GLT8D2: variants seen among roughly 807,000 people sequenced by gnomAD.
GLT8D2 encodes the protein glycosyltransferase 8 domain-containing protein 2.
A neutral mutation model predicts 44.5 loss-of-function variants in GLT8D2; 45 were observed. The observed-to-expected ratio is 1.01, with a 90% CI of 0.80 to 1.30. The LOEUF (loss-of-function observed/expected upper bound fraction) is 1.30. GLT8D2 is among the 50% of genes most tolerant of loss of function. The probability of loss-of-function intolerance (pLI) is 0.00; values close to 1 mark genes in which losing one functional copy is unlikely to be tolerated. For missense variants in GLT8D2, 400 were observed against 430.4 expected (o/e 0.93, Z 0.62); for synonymous variants, 156 against 157.2 (o/e 0.99, Z 0.06).
intron 1 of GLT8D2, chr12:104,030,796 G>C: frequency 6.2e-7 from 1 of 1,610,582 alleles, no homozygotes; most frequent in Non-Finnish European, 8.5e-7. Flanking sequence ...CCTACAAACT[G>C]GTGCTGATCC....
At chr12:104,037,173 G>A (rs1219466077) in intron 1 of GLT8D2, among the ~76,000 whole-genome samples, 1 of 152,190 alleles carries the variant, frequency 6.6e-6, no homozygotes, top group Non-Finnish European at 1.5e-5. Flanking sequence ...AGTGTGTAGA[G>A]GGAAATTTAT....
chr12:104,020,748 A>G (rs1249284576), intron 2 of GLT8D2, among the ~76,000 whole-genome samples: 1 of 152,180 alleles, frequency 6.6e-6, no homozygotes, highest in African/African-American at 2.4e-5. Flanking sequence ...AGGGCAGAAC[A>G]TGCAGAGGAG....
At chr12:104,021,930 GAAGAAGAAGAAGAAGAAGAAGAA>G (rs1877790993) in intron 1 of GLT8D2, among the ~76,000 whole-genome samples, 10 of 24,684 alleles carry the variant, frequency 4.1e-4, no homozygotes, top group African/African-American at 1.0e-3. Flanking sequence ...AGAAGAAGAA[GAAGAAGAAGAAGAAGAAGAAGAA>G]GAGGAAGAAG....
chr12:103,991,750 T>C (rs773762884), intron 10 of GLT8D2, among the ~76,000 whole-genome samples: 73 of 148,868 alleles, frequency 4.9e-4, no homozygotes, highest in Non-Finnish European at 9.9e-4. Context: ...CAGAGGATTC[T>C]GGGAATGATG....
chr12:104,002,266 C>T (rs1025548051), intron 5 of GLT8D2, among the ~76,000 whole-genome samples: 7 of 152,280 alleles, frequency 4.6e-5, no homozygotes, highest in African/African-American at 1.7e-4. Flanking sequence ...GCCTACAACA[C>T]CTTTTCATGT....
Position 104,003,164 on chromosome 12 carries a change from C to T in GLT8D2, c.255G>A (p.Val85=). ...TTCGAGTCAGAGTATTCCGGAGTCC[C>T]ACTACATAGAACAAGATGTTGGCGT... ...NTDANILFYV[V]GLRNTLTRIR... The change falls in exon 5 of 11, where the codon GTG becomes GTA. Residue 85 remains valine, a synonymous_variant. Transcript: ENST00000360814. 3 of 1,614,076 alleles carry T rather than the reference C, an allele frequency of 1.9e-6. No individual in the cohort carries two copies. The highest frequency in any genetic ancestry group is 2.5e-6 in the Non-Finnish European group (3 of 1,179,982).
At chr12:104,020,909 C>T (rs73390454) in intron 2 of GLT8D2, among the ~76,000 whole-genome samples, 4,049 of 152,186 alleles carry the variant, frequency 0.027, 83 homozygotes, top group Middle Eastern at 0.1. Flanking sequence ...ACCAAGGGGC[C>T]GGATACTACT....
chr12:104,007,250 C>T (rs929383744), intron 4 of GLT8D2, among the ~76,000 whole-genome samples: 1 of 147,636 alleles, frequency 6.8e-6, no homozygotes, highest in African/African-American at 2.5e-5. Flanking sequence ...CTCTCTCTCT[C>T]TCTCTCTCTC....
At chr12:104,026,628 TAACCATTAGATA>T (rs1197416756) in intron 1 of GLT8D2, among the ~76,000 whole-genome samples, 1 of 152,196 alleles carries the variant, frequency 6.6e-6, no homozygotes, top group Non-Finnish European at 1.5e-5. Context: ...AAATAAAATT[TAACCATTAGATA>T]AGGATTTTAG....
chr12:103,997,619 C>T lies in GLT8D2; in HGVS notation c.403-84G>A, dbSNP rs138441120. 2.5e-4 allele frequency: 227 copies of T among 926,018 alleles called. 1 individual carries two copies. The highest frequency in any genetic ancestry group is 4.3e-4 in the Middle Eastern group (2 of 4,662). 57.4% of individuals were successfully genotyped at this position (926,018 alleles called of 1,614,324 possible). ...GGGGGTACTGGAGAGTCGGCTTTGACCATGGCCTCAGCTCAGCTCCAGGTT... is the reference window on the plus strand; with the variant it reads ...GGGGGTACTGGAGAGTCGGCTTTGATCATGGCCTCAGCTCAGCTCCAGGTT... On this transcript the variant is annotated intron_variant, in intron 6 of 10. Transcript: ENST00000360814.
intron 2 of GLT8D2, among the ~76,000 whole-genome samples, chr12:104,020,586 A>G (rs1444006198): frequency 6.6e-6 from 1 of 152,240 alleles, no homozygotes; most frequent in Non-Finnish European, 1.5e-5. Flanking sequence ...TGTGACACAT[A>G]AAAGTATTAG....
chr12:103,997,746 C>G (rs369445758), intron 6 of GLT8D2, among the ~76,000 whole-genome samples: 19 of 152,238 alleles, frequency 1.2e-4, no homozygotes, highest in African/African-American at 4.6e-4. Flanking sequence ...ACGGATCGGC[C>G]GTTCTCCTAG....
chr12:103,998,977 G>GTA (rs1228334456), intron 6 of GLT8D2, among the ~76,000 whole-genome samples: 7 of 152,306 alleles, frequency 4.6e-5, no homozygotes, highest in African/African-American at 1.7e-4. Context: ...ATACTATGAA[G>GTA]TATATAATCC....
Position 104,003,136 on chromosome 12 carries a change from G to A in GLT8D2, c.283C>T (p.Arg95Ter), listed in dbSNP as rs766554936. The A allele has an allele frequency of 4.3e-6, 7 of 1,613,204 alleles. No homozygotes were observed. Among genetic ancestry groups the A allele is most frequent in the African/African-American group, 2.7e-5 (2 of 75,006 alleles). ...CAAAGTCTGTAAGACATAACTTACC[G>A]TATTCGAGTCAGAGTATTCCGGAGT... is the stretch of plus-strand genomic sequence containing the variant. ...VGLRNTLTRI[R>*]KWIEHSKLRE... The change falls in exon 5 of 11, where the codon CGA (arginine) becomes TGA (stop). Residue 95 changes from arginine (R) to a stop codon, truncating the protein, a stop_gained and splice_region_variant. Coordinates refer to ENST00000360814, the MANE Select transcript of GLT8D2 (RefSeq NM_001384711.1). LOFTEE classifies it high-confidence loss of function.
At chr12:104,009,647 A>G (rs1188499991) in intron 4 of GLT8D2, among the ~76,000 whole-genome samples, 1 of 152,104 alleles carries the variant, frequency 6.6e-6, no homozygotes, top group African/African-American at 2.4e-5. Context: ...GGGCAGAATG[A>G]TATGGTTTGG....
At position 104,010,411 on chromosome 12, in the gene GLT8D2, C is replaced by T. The variant is rs1047009699; in HGVS notation, c.112+4602G>A. 1.4e-4 allele frequency among the ~76,000 whole-genome samples: 22 copies of T among 152,352 alleles called. No individual in the cohort carries two copies. In the South Asian group the frequency reaches 1.4e-3, roughly 10 times the overall value. On this transcript the variant is annotated intron_variant, in intron 4 of 10. Coordinates refer to ENST00000360814, the MANE Select transcript of GLT8D2 (RefSeq NM_001384711.1). ...TTACATATTCATTCCAAATGCAGTA[C>T]TGACATCAGATCCTCTGGGAAGCCT...
At position 104,016,693 on chromosome 12, in the gene GLT8D2, AAGAAAGAAAGGGAGAG is replaced by A. The variant is rs1326803095; in HGVS notation, c.20-1604_20-1589del. On this transcript the variant is annotated intron_variant, in intron 3 of 10. Transcript: ENST00000360814. The stretch of plus-strand genomic sequence containing the variant: ...GAGAGAGAGAGAAAGAAAAGAAAGA[AAGAAAGAAAGGGAGAG>A]AGAAAGAAAGAAAGAAAGAAAGAAA... Among the ~76,000 whole-genome samples the A allele has an allele frequency of 2.2e-3, 307 of 137,326 alleles. 6 individuals carry two copies. Among genetic ancestry groups the A allele is most frequent in the Middle Eastern group, 7.5e-3 (2 of 268 alleles). The allele number at this position is 137,326 out of a possible 152,430, so 90.1% of individuals were successfully genotyped here.
At position 104,043,414 on chromosome 12, in the gene GLT8D2, G is replaced by A. The variant is rs187441614; in HGVS notation, c.-164+6481C>T. Among the ~76,000 whole-genome samples the A allele has an allele frequency of 1.2e-3, 187 of 152,174 alleles. 1 individual carries two copies. The highest frequency in any genetic ancestry group is 2.5e-3 in the African/African-American group (104 of 41,526). ...AAACTGAGCTTCTGGTATTTCCCCCGAAACATGCCCTTCCCATAATCTTCC... is the reference window on the plus strand; with the variant it reads ...AAACTGAGCTTCTGGTATTTCCCCCAAAACATGCCCTTCCCATAATCTTCC... On this transcript the variant is annotated intron_variant, in intron 1 of 10. Coordinates refer to ENST00000360814, the MANE Select transcript of GLT8D2 (RefSeq NM_001384711.1).
intron 6 of GLT8D2, 56 bp downstream of exon 6, chr12:103,999,341 A>T: frequency 1.1e-6 from 1 of 949,800 alleles, no homozygotes; most frequent in Non-Finnish European, 1.7e-6. Flanking sequence ...GCACTCCTTT[A>T]CTGAACAAAG....
Sources: gnomAD v4.1 joint callset for allele counts (sites outside exome capture counted in the v4.1 genomes callset) on GRCh38, gnomAD v4.1.1 for gene constraint, MANE v1.5 for transcripts, NCBI Gene and HGNC (gene_info 2026-07-23, HGNC 2026-07-21) for gene names.